Variants in TRAK1 observed in about 807,000 individuals in gnomAD.
TRAK1 encodes the protein trafficking kinesin protein 1.
Under a neutral mutation model 92.1 loss-of-function variants are expected in TRAK1, and 33 were observed. The ratio of observed to expected loss-of-function variants is 0.36; its 90% CI spans 0.27 to 0.48. TRAK1 has a LOEUF of 0.48. TRAK1 is among the 20% of genes least tolerant of loss of function. The pLI, the probability that TRAK1 is intolerant of heterozygous loss-of-function variation, is 0.99. For synonymous variants in TRAK1, 521 were observed against 517.3 expected, an observed-to-expected ratio of 1.01 and a Z score of -0.10; for missense variants, 1,123 against 1,257.9, an observed-to-expected ratio of 0.89 and a Z score of 1.62.
At position 42,182,218 on chromosome 3, in the gene TRAK1, A is replaced by G. The variant is rs568758170; in HGVS notation, c.364-2467A>G. Among the ~76,000 whole-genome samples the G allele has an allele frequency of 1.4e-4, 22 of 152,130 alleles. No homozygotes were observed. The South Asian group carries it at 4.4e-3, about 30-fold the overall frequency. On this transcript the variant is annotated intron_variant, in intron 3 of 15. Transcript: ENST00000327628. ...TGCCCCGTGAGAGGGCCGTCTCCAC[A>G]TGTACTGTGTTCCCAGAAAGGCAAG...
chr3:42,068,955 A>G (rs1036069734), intron 1 of TRAK1, among the ~76,000 whole-genome samples: 9 of 152,188 alleles, frequency 5.9e-5, no homozygotes, highest in Admixed American at 3.9e-4. Flanking sequence ...CTGTCCCTAC[A>G]GGATTTGAAC....
At chr3:42,167,400 C>T (rs1026271792) in intron 2 of TRAK1, among the ~76,000 whole-genome samples, 1 of 152,134 alleles carries the variant, frequency 6.6e-6, no homozygotes, top group Non-Finnish European at 1.5e-5. Context: ...GTTCTGCCTG[C>T]CCTGCTGTAA....
chr3:42,113,430 T>C (rs1357415677), intron 1 of TRAK1, among the ~76,000 whole-genome samples: 1 of 138,912 alleles, frequency 7.2e-6, no homozygotes, highest in African/African-American at 2.7e-5. Context: ...ACCCTTCTTT[T>C]TTGAGGCAGA....
At chr3:42,191,895 ATTT>A (rs68023368) in intron 7 of TRAK1, among the ~76,000 whole-genome samples, 20 of 72,764 alleles carry the variant, frequency 2.7e-4, no homozygotes, top group African/African-American at 2.9e-4. Context: ...GAATATTGGA[ATTT>A]TTTTTTTTTT....
At chr3:42,061,455 G>C (rs1703441468) in intron 1 of TRAK1, among the ~76,000 whole-genome samples, 1 of 151,518 alleles carries the variant, frequency 6.6e-6, no homozygotes, top group African/African-American at 2.4e-5. Flanking sequence ...AGTGGACCCT[G>C]GCCATGGCAA....
rs772789602 is a variant in TRAK1 at position 42,223,404 on chromosome 3, C to T, written c.2529C>T (p.Leu843=). 2.2e-5 allele frequency: 35 copies of T among 1,614,180 alleles called. No individual in the cohort carries two copies. Among genetic ancestry groups the T allele is most frequent in the Non-Finnish European group, 2.8e-5 (33 of 1,180,034 alleles). ...QTDVSVSNLN[L]VDKVRRFGVA... ...ACGTGTCCGTCTCCAACCTCAACCT[C>T]GTGGACAAAGTCAGGAGGTTTGGGG... The change falls in exon 16 of 16, where the codon CTC becomes CTT. Residue 843 remains leucine, a synonymous_variant. Transcript: ENST00000327628. This position sits in a 1 kb window ranked among gnomAD's most constrained non-coding sequence, Gnocchi z 6.1.
intron 2 of TRAK1, among the ~76,000 whole-genome samples, chr3:42,134,156 CTCCCCTTCCCCTTCCCCTTCCTCT>C (rs907764872): frequency 4.0e-5 from 6 of 150,650 alleles, no homozygotes; most frequent in Non-Finnish European, 7.4e-5. Context: ...TCCTTCCTTC[CTCCCCTTCCCCTTCCCCTTCCTCT>C]TCCCCTTCCC....
intron 4 of TRAK1, 106 bp from the exon 5 acceptor site, chr3:42,187,939 A>C (rs1441327475): frequency 1.0e-6 from 1 of 959,218 alleles, no homozygotes; most frequent in African/African-American, 1.6e-5. Flanking sequence ...TCAATGGTGA[A>C]TTTTCAGAAA....
intron 1 of TRAK1, among the ~76,000 whole-genome samples, chr3:42,022,285 A>G (rs1701749860): frequency 6.6e-6 from 1 of 152,220 alleles, no homozygotes; most frequent in Non-Finnish European, 1.5e-5. Flanking sequence ...ACATCTTTCT[A>G]TTTGAGAAAA....
chr3:42,149,056 T>A (rs1699648457), intron 2 of TRAK1, among the ~76,000 whole-genome samples: 1 of 152,164 alleles, frequency 6.6e-6, no homozygotes, highest in Non-Finnish European at 1.5e-5. Flanking sequence ...CCAGCATCCT[T>A]GGAAGACATT....
Position 42,223,031 on chromosome 3 carries a change from G to A in TRAK1, c.2156G>A (p.Ser719Asn), listed in dbSNP as rs775380574. ...VATPCTPRRL[S>N]LAESFTNTRE... ...ACACCATGCACTCCACGGAGACTGA[G>A]CCTGGCTGAGTCCTTCACTAACACC... is the stretch of plus-strand genomic sequence containing the variant. Residue 719 changes from serine to asparagine, a missense_variant, in exon 16 of 16, where the codon AGC becomes AAC. Transcript: ENST00000327628. This position sits in a 1 kb window ranked among gnomAD's most constrained non-coding sequence, Gnocchi z 6.1. The A allele has an allele frequency of 1.9e-6, 3 of 1,614,114 alleles. No individual in the cohort carries two copies. Among genetic ancestry groups the A allele is most frequent in the Admixed American group, 1.7e-5 (1 of 60,028 alleles).
chr3:42,219,665 T>C (rs867353978), intron 15 of TRAK1, 69 bp downstream of exon 15: 2 of 1,580,728 alleles, frequency 1.3e-6, no homozygotes, highest in Middle Eastern at 1.7e-4. Context: ...CCTGCAAGGC[T>C]TAATGTTGAG....
In TRAK1 at chr3:42,224,764, C is replaced by G. The variant is rs896638274; in HGVS notation, c.*1027C>G. On this transcript the variant is annotated 3_prime_UTR_variant, in exon 16 of 16. Transcript: ENST00000327628. ...GAAGAACCACAACCAGGCATAATACCAAACCGGTTCCAGGGGGAAACAAGG... is the reference window on the plus strand; with the variant it reads ...GAAGAACCACAACCAGGCATAATACGAAACCGGTTCCAGGGGGAAACAAGG... The G allele has an allele frequency of 6.6e-6, 1 of 152,200 alleles. No homozygotes were observed. Among genetic ancestry groups the G allele is most frequent in the African/African-American group, 2.4e-5 (1 of 41,436 alleles). The allele number at this position is 152,200 out of a possible 1,614,324, so 9.4% of individuals were successfully genotyped here.
chr3:42,145,975 A>G (rs1699277148), intron 2 of TRAK1: 7 of 305,718 alleles, frequency 2.3e-5, no homozygotes, highest in South Asian at 2.2e-4. Flanking sequence ...TGGGGAAGAT[A>G]ATAAATGCTG....
At chr3:42,070,729 C>T (rs567035638) in intron 1 of TRAK1, among the ~76,000 whole-genome samples, 29 of 152,302 alleles carry the variant, frequency 1.9e-4, no homozygotes, top group African/African-American at 5.8e-4. Flanking sequence ...ATGCCCAGCA[C>T]TGAATTGTCT....
At chr3:42,179,472 G>A (rs1703699506) in intron 3 of TRAK1, among the ~76,000 whole-genome samples, 1 of 152,256 alleles carries the variant, frequency 6.6e-6, no homozygotes, top group African/African-American at 2.4e-5. Flanking sequence ...GCTCACCTGG[G>A]CTTGCTGCTG....
At chr3:42,125,681 A>C in intron 2 of TRAK1, 67 bp downstream of exon 2, 1 of 1,546,952 alleles carries the variant, frequency 6.5e-7, no homozygotes, top group Non-Finnish European at 8.8e-7. Flanking sequence ...CATGGCCCCA[A>C]ATAAGATCTT....
chr3:42,176,894 A>G lies in TRAK1; in HGVS notation c.363+4A>G. On this transcript the variant is annotated splice_donor_region_variant and intron_variant, in intron 3 of 15. Coordinates refer to ENST00000327628, the MANE Select transcript of TRAK1 (RefSeq NM_001042646.3). ...TGTCACTCGGCTTCTTGAGGAGGTA[A>G]GTGCTCCAGGGGAAGGCAAAAGAGT... 1.9e-6 allele frequency: 3 copies of G among 1,613,930 alleles called. No individual in the cohort carries two copies. Among genetic ancestry groups the G allele is most frequent in the African/African-American group, 1.3e-5 (1 of 75,052 alleles).
At chr3:42,036,482 T>C (rs1702329518) in intron 1 of TRAK1, among the ~76,000 whole-genome samples, 1 of 152,202 alleles carries the variant, frequency 6.6e-6, no homozygotes, top group Non-Finnish European at 1.5e-5. Context: ...GGCATGGATT[T>C]GGAAGTGGGT....
Sources: gnomAD v4.1 joint callset for allele counts (sites outside exome capture counted in the v4.1 genomes callset) on GRCh38, gnomAD v4.1.1 for gene constraint, Gnocchi (gnomAD v3.1) non-coding constraint, MANE v1.5 for transcripts, NCBI Gene and HGNC (gene_info 2026-07-23, HGNC 2026-07-21) for gene names.